The following CDK19 variants were observed in gnomAD, a reference collection of about 807,000 sequenced individuals.
CDK19 encodes the protein cyclin-dependent kinase 19.
Under a neutral mutation model 68.3 loss-of-function variants are expected in CDK19, and 20 were observed. That is an observed-to-expected ratio of 0.29 (90% CI 0.21 to 0.43). The LOEUF is 0.43. Among genes scored for constraint, CDK19 ranks in the 20% least tolerant of loss-of-function variants. The probability of loss-of-function intolerance (pLI) is 1.00; values close to 1 mark genes in which losing one functional copy is unlikely to be tolerated. For synonymous variants in CDK19, 221 were observed against 222.8 expected, an observed-to-expected ratio of 0.99 and a Z score of 0.07; for missense variants, 339 against 623.5, an observed-to-expected ratio of 0.54 and a Z score of 4.86.
chr6:110,697,940 G>T (rs895441636), intron 2 of CDK19, among the ~76,000 whole-genome samples: 2 of 152,250 alleles, frequency 1.3e-5, no homozygotes, highest in East Asian at 3.9e-4. Context: ...AACAAAAAGT[G>T]CTGGGATAAT....
At chr6:110,785,948 C>A (rs1008022520) in intron 1 of CDK19, among the ~76,000 whole-genome samples, 11 of 151,642 alleles carry the variant, frequency 7.3e-5, no homozygotes, top group Non-Finnish European at 1.6e-4. Context: ...CCATTGCACC[C>A]CACCCTGGGC....
chr6:110,781,544 A>G (rs565101789), intron 1 of CDK19, among the ~76,000 whole-genome samples: 1 of 152,216 alleles, frequency 6.6e-6, no homozygotes, highest in African/African-American at 2.4e-5. Context: ...AACTTGGTGA[A>G]AGCAAGACCC....
At chr6:110,775,009 A>C (rs565033535) in intron 1 of CDK19, among the ~76,000 whole-genome samples, 3 of 152,210 alleles carry the variant, frequency 2.0e-5, no homozygotes, top group Non-Finnish European at 4.4e-5. Flanking sequence ...GCACTTTGGG[A>C]GGCCGAGGCA....
At chr6:110,617,603 G>A (rs1360180288) in intron 12 of CDK19, among the ~76,000 whole-genome samples, 1 of 150,380 alleles carries the variant, frequency 6.6e-6, no homozygotes, top group Non-Finnish European at 1.5e-5. Flanking sequence ...GACCAACATG[G>A]CGAAACCCTG....
chr6:110,751,989 G>A (rs958592944), intron 1 of CDK19, among the ~76,000 whole-genome samples: 8 of 151,634 alleles, frequency 5.3e-5, no homozygotes, highest in South Asian at 2.1e-4. Context: ...TGGCTTAGCC[G>A]AGTAGGAGGC....
chr6:110,790,406 G>A (rs890539931), intron 1 of CDK19, among the ~76,000 whole-genome samples: 2 of 152,064 alleles, frequency 1.3e-5, no homozygotes, highest in Non-Finnish European at 2.9e-5. Context: ...GTGGTGGCAG[G>A]TGCCTGTAAT....
At chr6:110,760,491 G>C (rs1306888981) in intron 1 of CDK19, among the ~76,000 whole-genome samples, 2 of 151,678 alleles carry the variant, frequency 1.3e-5, no homozygotes, top group African/African-American at 4.9e-5. Flanking sequence ...ACTTTGGGAG[G>C]CTGAGGCGGG....
At chr6:110,778,527 T>C (rs1780574103) in intron 1 of CDK19, among the ~76,000 whole-genome samples, 1 of 152,134 alleles carries the variant, frequency 6.6e-6, no homozygotes, top group African/African-American at 2.4e-5. Flanking sequence ...TAGTACAGAG[T>C]TTCAATTCTT....
chr6:110,667,660 A>G (rs1782028046), intron 3 of CDK19, 86 bp from the exon 4 acceptor site: 2 of 631,736 alleles, frequency 3.2e-6, no homozygotes, highest in Non-Finnish European at 4.9e-6. Flanking sequence ...CAAATGCTCT[A>G]TATTTTAAAA....
chr6:110,644,695 C>T lies in CDK19; in HGVS notation c.457-5989G>A, dbSNP rs547079346. Among the ~76,000 whole-genome samples, 4 of 152,154 alleles carry T rather than the reference C, an allele frequency of 2.6e-5. No homozygotes were observed. In the South Asian group the frequency reaches 6.2e-4, roughly 24 times the overall value. On this transcript the variant is annotated intron_variant, in intron 4 of 12. Transcript: ENST00000368911. ...GGAACCTCGGCACACTTCTTGCCCC[C>T]GACCATGGAACAGAAAGCCATGATG...
chr6:110,792,486 C>A (rs1276737626), intron 1 of CDK19, among the ~76,000 whole-genome samples: 1 of 151,966 alleles, frequency 6.6e-6, no homozygotes, highest in Non-Finnish European at 1.5e-5. Flanking sequence ...CAGCTCACTG[C>A]AACCTCCGCC....
chr6:110,670,449 A>G lies in CDK19; in HGVS notation c.297T>C (p.Tyr99=). 2 of 1,601,312 alleles carry G rather than the reference A, an allele frequency of 1.2e-6. No homozygotes were observed. The highest frequency in any genetic ancestry group is 1.7e-4 in the Middle Eastern group (1 of 6,038). Reference sequence around the variant, plus strand: ...TACTTACCCACAAGTCATGCTCTGCATAATCAAACAGCAGCCATACCTTCC... The same window carrying G: ...TACTTACCCACAAGTCATGCTCTGCGTAATCAAACAGCAGCCATACCTTCC... ...SDRKVWLLFD[Y]AEHDLWHIIK... Residue 99 remains tyrosine, a synonymous_variant, in exon 3 of 13, where the codon TAT becomes TAC. Coordinates refer to ENST00000368911, the MANE Select transcript of CDK19 (RefSeq NM_015076.5).
At chr6:110,697,761 A>G (rs950573177) in intron 2 of CDK19, among the ~76,000 whole-genome samples, 3 of 152,224 alleles carry the variant, frequency 2.0e-5, no homozygotes, top group African/African-American at 7.2e-5. Context: ...CCAATTTCAA[A>G]CTATACTACA....
At chr6:110,681,009 T>TAAATA (rs1554203176) in intron 2 of CDK19, among the ~76,000 whole-genome samples, 4 of 133,720 alleles carry the variant, frequency 3.0e-5, no homozygotes, top group African/African-American at 8.4e-5. Flanking sequence ...AATAAATAAA[T>TAAATA]AAATAAAATA....
chr6:110,725,052 T>A (rs1776225754), intron 2 of CDK19, among the ~76,000 whole-genome samples: 1 of 152,192 alleles, frequency 6.6e-6, no homozygotes, highest in African/African-American at 2.4e-5. Context: ...TATTATTGTA[T>A]GCATTTTTCA....
At position 110,706,404 on chromosome 6, in the gene CDK19, G is replaced by GTTTTTTTTTTTTTTTTTTTTTTTTTTTTT. The variant is rs774904075; in HGVS notation, c.205-35864_205-35863insAAAAAAAAAAAAAAAAAAAAAAAAAAAAA. On this transcript the variant is annotated intron_variant, in intron 2 of 12. Transcript: ENST00000368911. ...CAACAGCATGCTGGGTAACACTGTT[G>GTTTTTTTTTTTTTTTTTTTTTTTTTTTTT]TTTTTTTTTTGTTTGTTTTTTTTTT... 2 of 71,064 alleles carry GTTTTTTTTTTTTTTTTTTTTTTTTTTTTT rather than the reference G, an allele frequency of 2.8e-5. 1 individual carries two copies. Among genetic ancestry groups the GTTTTTTTTTTTTTTTTTTTTTTTTTTTTT allele is most frequent in the Non-Finnish European group, 5.2e-5 (2 of 38,606 alleles). 4.4% of individuals were successfully genotyped at this position (71,064 alleles called of 1,614,324 possible).
At chr6:110,685,177 C>T (rs548295284) in intron 2 of CDK19, among the ~76,000 whole-genome samples, 1 of 152,268 alleles carries the variant, frequency 6.6e-6, no homozygotes, top group Admixed American at 6.5e-5. Flanking sequence ...AGTGTTCACT[C>T]ACCAAGTGCT....
At chr6:110,646,888 G>A (rs1780628523) in intron 4 of CDK19, among the ~76,000 whole-genome samples, 1 of 151,984 alleles carries the variant, frequency 6.6e-6, no homozygotes, top group Non-Finnish European at 1.5e-5. Context: ...ATCTCCCACT[G>A]CTGTAATTGC....
At chr6:110,709,430 A>C (rs1413525348) in intron 2 of CDK19, among the ~76,000 whole-genome samples, 1 of 152,066 alleles carries the variant, frequency 6.6e-6, no homozygotes, top group African/African-American at 2.4e-5. Context: ...GGGTGCAGCA[A>C]ATCACCATGG....
Sources: gnomAD v4.1 joint callset for allele counts (sites outside exome capture counted in the v4.1 genomes callset) on GRCh38, gnomAD v4.1.1 for gene constraint, MANE v1.5 for transcripts, NCBI Gene and HGNC (gene_info 2026-07-23, HGNC 2026-07-21) for gene names.